The following SDK1 variants were observed in gnomAD, a reference collection of about 807,000 sequenced individuals.
The protein encoded by SDK1 is protein sidekick-1.
Under a neutral mutation model 245.5 loss-of-function variants are expected in SDK1, and 157 were observed. The observed-to-expected ratio is 0.64, with a 90% CI of 0.56 to 0.73. The LOEUF (loss-of-function observed/expected upper bound fraction) is 0.73, where lower values mean the gene tolerates loss of function less well. Among genes scored for constraint, SDK1 ranks in the 30% least tolerant of loss-of-function variants. The pLI is 0.00. For missense variants in SDK1, 3,583 were observed against 3,002.3 expected, an observed-to-expected ratio of 1.19 and a Z score of -4.52; for synonymous variants, 1,647 against 1,278.5, an observed-to-expected ratio of 1.29 and a Z score of -6.15.
intron 4 of SDK1, among the ~76,000 whole-genome samples, chr7:3,807,336 C>G (rs1171351008): frequency 1.3e-5 from 2 of 152,194 alleles, no homozygotes; most frequent in African/African-American, 4.8e-5. Context: ...AACGCTGACA[C>G]ACATAACTCG....
At chr7:4,139,635 A>AT (rs1779403217) in intron 28 of SDK1, among the ~76,000 whole-genome samples, 1 of 47,362 alleles carries the variant, frequency 2.1e-5, no homozygotes. Context: ...GTATATGTAT[A>AT]TATGTGTGTG....
intron 5 of SDK1, among the ~76,000 whole-genome samples, chr7:3,909,730 C>T (rs1257353645): frequency 1.3e-5 from 2 of 152,188 alleles, no homozygotes; most frequent in Non-Finnish European, 2.9e-5. Flanking sequence ...CAAAGAAGCT[C>T]AGGGATTAAA....
intron 22 of SDK1, among the ~76,000 whole-genome samples, chr7:4,094,821 C>A (rs1331197993): frequency 6.6e-6 from 1 of 152,130 alleles, no homozygotes; most frequent in East Asian, 1.9e-4. Context: ...CAGTAAGGAT[C>A]CATAAAGGCA....
rs116086583 is a variant in SDK1 at position 3,748,463 on chromosome 7, G to A, written c.714-72987G>A. Among the ~76,000 whole-genome samples the A allele has an allele frequency of 1.3e-3, 204 of 152,244 alleles. 2 individuals carry two copies. Among genetic ancestry groups the A allele is most frequent in the African/African-American group, 4.7e-3 (195 of 41,534 alleles). On this transcript the variant is annotated intron_variant, in intron 4 of 44. Transcript: ENST00000404826. ...TACTGAAAAATATCCATTAAATGGC[G>A]AGTAGTCAGGTCCAGTGTTGGCTTT... is the stretch of plus-strand genomic sequence containing the variant.
At chr7:3,660,432 A>G (rs904229101) in intron 4 of SDK1, among the ~76,000 whole-genome samples, 5 of 152,146 alleles carry the variant, frequency 3.3e-5, no homozygotes, top group African/African-American at 1.2e-4. Context: ...AGATCAACAA[A>G]GCATAGAAAG....
chr7:3,815,738 A>C (rs193267053), intron 4 of SDK1, among the ~76,000 whole-genome samples: 1 of 151,844 alleles, frequency 6.6e-6, no homozygotes, highest in African/African-American at 2.4e-5. Context: ...CTGTGCACCA[A>C]GCGGACCTAA....
chr7:3,482,941 CAA>C (rs1781563168), intron 1 of SDK1, among the ~76,000 whole-genome samples: 1 of 151,472 alleles, frequency 6.6e-6, no homozygotes, highest in East Asian at 1.9e-4. Context: ...CTGGTGACAA[CAA>C]TGATGATTTC....
rs1787354399 is a variant in SDK1, at chr7:4,026,466, C to T, written c.2602+9114C>T. On this transcript the variant is annotated intron_variant, in intron 17 of 44. Transcript: ENST00000404826. The surrounding 1 kb of genome is among the most constrained non-coding windows in gnomAD (Gnocchi z 4.1). ...GTCAGACGACTGGCTTCACGAGGGCCCGGTGTGCAGACAGCCTGCCAGGGC... is the reference window on the plus strand; with the variant it reads ...GTCAGACGACTGGCTTCACGAGGGCTCGGTGTGCAGACAGCCTGCCAGGGC... Among the ~76,000 whole-genome samples the T allele has an allele frequency of 6.6e-6, 1 of 152,192 alleles. No homozygotes were observed. The highest frequency in any genetic ancestry group is 2.4e-5 in the African/African-American group (1 of 41,438).
intron 4 of SDK1, among the ~76,000 whole-genome samples, chr7:3,750,259 C>T (rs939048199): frequency 1.3e-5 from 2 of 152,176 alleles, no homozygotes; most frequent in African/African-American, 4.8e-5. Flanking sequence ...ATTTGGAGAA[C>T]AAGGACTGGG....
rs1782570031 is a variant in SDK1 at position 4,101,828 on chromosome 7, C to T, written c.3325-8835C>T. Among the ~76,000 whole-genome samples the T allele has an allele frequency of 3.3e-5, 5 of 152,044 alleles. No homozygotes were observed. The South Asian group carries it at 1.0e-3, about 32-fold the overall frequency. ...ACAGGAAGGGCCCTAGGAAGGAAGC[C>T]ATGCAAGAGAGAAGAAAGAGGAGGC... On this transcript the variant is annotated intron_variant, in intron 22 of 44. Transcript: ENST00000404826.
intron 35 of SDK1, among the ~76,000 whole-genome samples, chr7:4,204,227 A>G (rs1784063167): frequency 1.3e-5 from 2 of 152,262 alleles, no homozygotes; most frequent in South Asian, 4.1e-4. Context: ...TGCAAAAGAC[A>G]TTAACTTTAT....
Position 3,783,032 on chromosome 7 carries a change from T to C in SDK1, c.714-38418T>C, listed in dbSNP as rs189103224. Among the ~76,000 whole-genome samples, 144 of 152,318 alleles carry C rather than the reference T, an allele frequency of 9.5e-4. 1 individual carries two copies. Among genetic ancestry groups the C allele is most frequent in the African/African-American group, 3.4e-3 (141 of 41,574 alleles). ...AAAGGGATCATTCATCATGATCAAG[T>C]GGGATTTATTCTTCGATACAAGGAT... is the stretch of plus-strand genomic sequence containing the variant. On this transcript the variant is annotated intron_variant, in intron 4 of 44. Coordinates refer to ENST00000404826, the MANE Select transcript of SDK1 (RefSeq NM_152744.4).
intron 7 of SDK1, 118 bp from the exon 8 acceptor site, chr7:3,958,809 GCTAA>G: frequency 1.3e-6 from 1 of 786,622 alleles, no homozygotes; most frequent in South Asian, 1.6e-5. Context: ...TATGCACGAT[GCTAA>G]CTAATGATGA....
At chr7:4,135,074 G>A (rs1010374153) in intron 28 of SDK1, among the ~76,000 whole-genome samples, 1 of 152,208 alleles carries the variant, frequency 6.6e-6, no homozygotes, top group South Asian at 2.1e-4. Context: ...ACGCCCGCCG[G>A]AGTGAGGCCC....
intron 17 of SDK1, among the ~76,000 whole-genome samples, chr7:4,019,281 C>T (rs1294489905): frequency 2.6e-5 from 4 of 152,190 alleles, no homozygotes; most frequent in African/African-American, 9.7e-5. Context: ...GGTCAGAAAT[C>T]ACACAGGCCA....
intron 35 of SDK1, among the ~76,000 whole-genome samples, chr7:4,204,768 C>G (rs1784099745): frequency 6.6e-6 from 1 of 152,360 alleles, no homozygotes; most frequent in East Asian, 1.9e-4. Flanking sequence ...CACAGCTGCC[C>G]TGGAGCTCCC....
chr7:3,355,113 C>G (rs1021809308), intron 1 of SDK1, among the ~76,000 whole-genome samples: 1 of 152,180 alleles, frequency 6.6e-6, no homozygotes, highest in African/African-American at 2.4e-5. Flanking sequence ...ATTGACACAT[C>G]TTATTAAAAT....
At chr7:3,973,804 G>A (rs910080242) in intron 12 of SDK1, among the ~76,000 whole-genome samples, 5 of 152,048 alleles carry the variant, frequency 3.3e-5, no homozygotes, top group African/African-American at 1.2e-4. Context: ...TGTAACCTCA[G>A]CATGTGTTTT....
chr7:3,442,241 G>A (rs1181669716), intron 1 of SDK1, among the ~76,000 whole-genome samples: 2 of 152,168 alleles, frequency 1.3e-5, no homozygotes, highest in African/African-American at 4.8e-5. Flanking sequence ...GTCTTTTATA[G>A]CACATAGCCT....
Sources: gnomAD v4.1 joint callset for allele counts (sites outside exome capture counted in the v4.1 genomes callset) on GRCh38, gnomAD v4.1.1 for gene constraint, Gnocchi (gnomAD v3.1) non-coding constraint, MANE v1.5 for transcripts, NCBI Gene and HGNC (gene_info 2026-07-23, HGNC 2026-07-21) for gene names.